The following COL19A1 variants were observed in gnomAD, a reference collection of about 807,000 sequenced individuals.
COL19A1 encodes the protein collagen type XIX alpha 1 chain.
A neutral mutation model predicts 190.2 loss-of-function variants in COL19A1; 159 were observed. The ratio of observed to expected loss-of-function variants is 0.84; its 90% CI spans 0.73 to 0.95. The LOEUF (loss-of-function observed/expected upper bound fraction) is 0.95. Ranked by LOEUF, COL19A1 falls within the 40% of genes least tolerant of loss-of-function variation. The probability of loss-of-function intolerance (pLI) is 0.00; values close to 1 mark genes in which losing one functional copy is unlikely to be tolerated. For synonymous variants in COL19A1, 509 were observed against 458.9 expected (o/e 1.11, Z -1.39); for missense variants, 1,418 against 1,431.9 (o/e 0.99, Z 0.16).
At chr6:70,115,937 T>C (rs1784553810) in intron 16 of COL19A1, among the ~76,000 whole-genome samples, 1 of 151,650 alleles carries the variant, frequency 6.6e-6, no homozygotes, top group South Asian at 2.1e-4. Flanking sequence ...AACTGCTTAA[T>C]TTATGTAATT....
intron 11 of COL19A1, among the ~76,000 whole-genome samples, chr6:69,996,723 A>C (rs1776924700): frequency 6.6e-6 from 1 of 152,104 alleles, no homozygotes; most frequent in African/African-American, 2.4e-5. Context: ...ACATTACTGA[A>C]AAACTGTAAC....
intron 4 of COL19A1, among the ~76,000 whole-genome samples, chr6:69,908,047 C>T (rs1351895343): frequency 6.6e-6 from 1 of 152,204 alleles, no homozygotes; most frequent in African/African-American, 2.4e-5. Flanking sequence ...AATTTCACCC[C>T]TTATAAAGGC....
At chr6:69,871,412 C>A (rs1767813675) in intron 1 of COL19A1, among the ~76,000 whole-genome samples, 1 of 152,226 alleles carries the variant, frequency 6.6e-6, no homozygotes, top group Middle Eastern at 3.4e-3. Flanking sequence ...ATTTAAAAAT[C>A]AACCTACACA....
At chr6:70,189,114 CTTT>C (rs1562257442) in intron 47 of COL19A1, among the ~76,000 whole-genome samples, 1 of 152,162 alleles carries the variant, frequency 6.6e-6, no homozygotes, top group Non-Finnish European at 1.5e-5. Flanking sequence ...GGAATCATCA[CTTT>C]ATAAGCCCAT....
intron 12 of COL19A1, among the ~76,000 whole-genome samples, chr6:70,027,792 C>T (rs1395821342): frequency 6.6e-6 from 1 of 151,824 alleles, no homozygotes; most frequent in Non-Finnish European, 1.5e-5. Flanking sequence ...TTGATTGTGG[C>T]CTAATACAAG....
At chr6:70,204,081 G>A (rs574451657) in intron 49 of COL19A1, among the ~76,000 whole-genome samples, 3 of 152,246 alleles carry the variant, frequency 2.0e-5, no homozygotes, top group African/African-American at 7.2e-5. Flanking sequence ...GGCTGGTCTT[G>A]AACTCCTGAC....
intron 34 of COL19A1, among the ~76,000 whole-genome samples, chr6:70,161,660 A>G (rs1787813506): frequency 6.6e-6 from 1 of 152,182 alleles, no homozygotes; most frequent in African/African-American, 2.4e-5. Flanking sequence ...CTAAAATCGC[A>G]GACTTCACCA....
intron 15 of COL19A1, among the ~76,000 whole-genome samples, chr6:70,078,467 C>A (rs778097181): frequency 6.6e-6 from 1 of 152,168 alleles, no homozygotes; most frequent in South Asian, 2.1e-4. Flanking sequence ...CTCTGGAGCA[C>A]GACAGAATTT....
chr6:70,045,858 C>T (rs1001493579), intron 14 of COL19A1, among the ~76,000 whole-genome samples: 1 of 152,226 alleles, frequency 6.6e-6, no homozygotes, highest in Non-Finnish European at 1.5e-5. Context: ...AGCCTGTCCT[C>T]AGACTAAACA....
At chr6:69,873,907 G>A (rs374155732) in intron 1 of COL19A1, among the ~76,000 whole-genome samples, 1 of 152,208 alleles carries the variant, frequency 6.6e-6, no homozygotes, top group East Asian at 1.9e-4. Flanking sequence ...ATATTAGCTT[G>A]AGGTTCTTCA....
At chr6:70,025,811 A>G (rs1778702671) in intron 12 of COL19A1, among the ~76,000 whole-genome samples, 1 of 152,240 alleles carries the variant, frequency 6.6e-6, no homozygotes, top group Non-Finnish European at 1.5e-5. Context: ...ATAAGTAATT[A>G]GAGTCTAAGC....
At chr6:69,971,982 C>G (rs1402103187) in intron 11 of COL19A1, among the ~76,000 whole-genome samples, 1 of 152,196 alleles carries the variant, frequency 6.6e-6, no homozygotes, top group African/African-American at 2.4e-5. Flanking sequence ...CTGAATCCCA[C>G]AAGGTCCTGC....
intron 23 of COL19A1, among the ~76,000 whole-genome samples, chr6:70,143,456 A>T (rs1373266004): frequency 6.6e-6 from 1 of 152,142 alleles, no homozygotes; most frequent in Admixed American, 6.6e-5. Flanking sequence ...GAGCAAAATA[A>T]GAAAAATCCT....
At chr6:69,943,164 G>T (rs900826390) in intron 9 of COL19A1, among the ~76,000 whole-genome samples, 4 of 151,804 alleles carry the variant, frequency 2.6e-5, no homozygotes, top group Admixed American at 6.6e-5. Flanking sequence ...AGCATTTTTT[G>T]ATGTATTTCT....
intron 27 of COL19A1, 92 bp from the exon 28 acceptor site, chr6:70,149,612 A>C: frequency 6.6e-7 from 1 of 1,514,224 alleles, no homozygotes; most frequent in South Asian, 1.2e-5. Flanking sequence ...TGTTCCTCTA[A>C]GTAAACTACA....
intron 14 of COL19A1, among the ~76,000 whole-genome samples, chr6:70,058,377 G>T (rs934199029): frequency 6.6e-6 from 1 of 151,952 alleles, no homozygotes; most frequent in Non-Finnish European, 1.5e-5. Context: ...TAGGGAACTG[G>T]TTTACTACAA....
intron 49 of COL19A1, 108 bp downstream of exon 49, chr6:70,199,844 C>A: frequency 2.1e-6 from 2 of 971,430 alleles, no homozygotes; most frequent in Non-Finnish European, 3.0e-6. Flanking sequence ...TTTATTTATA[C>A]ATTACATATA....
At chr6:69,879,689 A>G (rs1768382539) in intron 2 of COL19A1, 31 bp downstream of exon 2, 1 of 1,593,052 alleles carries the variant, frequency 6.3e-7, no homozygotes, top group South Asian at 1.1e-5. Context: ...CCTAATCACC[A>G]AATGTTATTT....
intron 40 of COL19A1, 68 bp from the exon 41 acceptor site, chr6:70,171,896 C>T (rs1765522948): frequency 6.6e-7 from 1 of 1,516,340 alleles, no homozygotes; most frequent in South Asian, 1.1e-5. Context: ...AAAATCTTTG[C>T]TTTGGAAACC....
Sources: allele counts gnomAD v4.1 joint callset (sites outside exome capture counted in the v4.1 genomes callset), GRCh38; gene constraint gnomAD v4.1.1; transcripts MANE v1.5; gene names NCBI Gene and HGNC (gene_info 2026-07-23, HGNC 2026-07-21).